MDM1: variants seen among roughly 807,000 people sequenced by gnomAD.
MDM1 encodes the protein stabilizer of axonemal microtubules 6, also known as Mdm1 nuclear protein.
In MDM1, 61 loss-of-function variants were observed where a neutral mutation model predicts 89.1. The observed-to-expected ratio is 0.68, with a 90% CI of 0.56 to 0.85. The LOEUF is 0.85. Ranked by LOEUF, MDM1 falls within the 40% of genes least tolerant of loss-of-function variation. MDM1 has a pLI of 0.00. For synonymous variants in MDM1, 290 were observed against 294.1 expected (o/e 0.99, Z 0.14); for missense variants, 820 against 846.5 (o/e 0.97, Z 0.39).
chr12:68,315,120 C>G lies in MDM1; in HGVS notation c.1357G>C (p.Ala453Pro), dbSNP rs779430910. Residue 453 changes from alanine to proline, a missense_variant, in exon 10 of 15, where the codon GCT becomes CCT. Coordinates refer to ENST00000682720, the MANE Select transcript of MDM1 (RefSeq NM_001354969.2). ...APTIPVRRRLAWDTENTSEDV... is the reference protein window; with the variant it reads ...APTIPVRRRLPWDTENTSEDV... ...TCACTTGTGTTCTCTGTATCCCAAG[C>G]CAGCCGCCTTCTAACGGGTATGGTG... The G allele has an allele frequency of 1.2e-6, 2 of 1,614,128 alleles. No individual in the cohort carries two copies. The highest frequency in any genetic ancestry group is 1.7e-6 in the Non-Finnish European group (2 of 1,180,026).
intron 3 of MDM1, chr12:68,326,315 C>G: frequency 7.3e-7 from 1 of 1,362,844 alleles, no homozygotes; most frequent in Non-Finnish European, 9.4e-7. Context: ...GAAGTCAGCT[C>G]AGCACCCTGC....
chr12:68,313,325 AT>A (rs2120953085), intron 12 of MDM1, 117 bp downstream of exon 12: 1 of 732,358 alleles, frequency 1.4e-6, no homozygotes, highest in African/African-American at 1.7e-5. Context: ...GGTTAACAGT[AT>A]CATCTCCTCA....
chr12:68,307,507 G>A (rs1873063003), intron 12 of MDM1, among the ~76,000 whole-genome samples: 1 of 152,142 alleles, frequency 6.6e-6, no homozygotes, highest in Non-Finnish European at 1.5e-5. Flanking sequence ...CAGGCATGGT[G>A]GCACATATCT....
chr12:68,332,234 G>T lies in MDM1; in HGVS notation c.12C>A (p.Arg4=), dbSNP rs1323219695. The T allele has an allele frequency of 1.0e-5, 16 of 1,582,076 alleles. No individual in the cohort carries two copies. Among genetic ancestry groups the T allele is most frequent in the Non-Finnish European group, 1.1e-5 (13 of 1,164,886 alleles). The change falls in exon 1 of 15, where the codon CGC becomes CGA. Residue 4 remains arginine (R), a synonymous_variant. Coordinates refer to ENST00000682720, the MANE Select transcript of MDM1 (RefSeq NM_001354969.2). MPV[R]FKGLSEYQRN... ...CCGGGGACCCCAGCCTCACCTTGAA[G>T]CGCACCGGCATGTCGCCCGGCGCCG... is the stretch of plus-strand genomic sequence containing the variant.
chr12:68,307,589 CGT>C, intron 12 of MDM1, among the ~76,000 whole-genome samples: 1 of 152,252 alleles, frequency 6.6e-6, no homozygotes, highest in South Asian at 2.1e-4. Flanking sequence ...TACAATGAGC[CGT>C]GATTGCACCA....
intron 4 of MDM1, among the ~76,000 whole-genome samples, chr12:68,324,311 A>T (rs1875652540): frequency 6.6e-6 from 1 of 152,066 alleles, no homozygotes; most frequent in Non-Finnish European, 1.5e-5. Context: ...GAATAATTAC[A>T]ATTTTCAGGT....
chr12:68,316,534 A>AC, intron 8 of MDM1, 47 bp downstream of exon 8: 1 of 1,454,474 alleles, frequency 6.9e-7, no homozygotes, highest in Non-Finnish European at 9.3e-7. Context: ...CTGAAATTAC[A>AC]CAAGTAATCT....
chr12:68,328,787 C>T (rs1876376185), intron 2 of MDM1, among the ~76,000 whole-genome samples: 1 of 152,264 alleles, frequency 6.6e-6, no homozygotes, highest in South Asian at 2.1e-4. Context: ...AAATACACTA[C>T]TCTAAAAGAA....
At chr12:68,319,175 G>A (rs953241441) in intron 7 of MDM1, among the ~76,000 whole-genome samples, 4 of 152,122 alleles carry the variant, frequency 2.6e-5, no homozygotes, top group Non-Finnish European at 5.9e-5. Flanking sequence ...TGACTATTAA[G>A]AAACAATCCC....
At chr12:68,325,025 A>G (rs902150692) in intron 4 of MDM1, 11 of 980,126 alleles carry the variant, frequency 1.1e-5, no homozygotes, top group Non-Finnish European at 4.8e-6. Flanking sequence ...CATATTTTGT[A>G]TTTATTAAAT....
chr12:68,301,224 C>G (rs1200925023), intron 13 of MDM1, among the ~76,000 whole-genome samples: 1 of 152,166 alleles, frequency 6.6e-6, no homozygotes, highest in African/African-American at 2.4e-5. Flanking sequence ...TGACAACCTA[C>G]TATCACACCT....
chr12:68,324,889 G>A (rs1223819146), intron 4 of MDM1: 2 of 475,792 alleles, frequency 4.2e-6, no homozygotes, highest in Non-Finnish European at 2.7e-6. Context: ...AATTGTGCAG[G>A]AGTATAATGA....
chr12:68,328,774 TA>T (rs897092949), intron 2 of MDM1, among the ~76,000 whole-genome samples: 6 of 151,992 alleles, frequency 3.9e-5, no homozygotes, highest in African/African-American at 9.7e-5. Flanking sequence ...ATCCCCAGGG[TA>T]AAAATACACT....
At chr12:68,329,459 C>T (rs994075032) in intron 2 of MDM1, among the ~76,000 whole-genome samples, 1 of 152,204 alleles carries the variant, frequency 6.6e-6, no homozygotes, top group East Asian at 1.9e-4. Flanking sequence ...TCGCACACAT[C>T]ACATGTGGGA....
Position 68,307,142 on chromosome 12 carries a change from G to A in MDM1, c.1750-4270C>T, listed in dbSNP as rs1270204824. Among the ~76,000 whole-genome samples the A allele has an allele frequency of 2.6e-5, 4 of 152,148 alleles. No homozygotes were observed. In the East Asian group the frequency reaches 7.7e-4, roughly 29 times the overall value. On this transcript the variant is annotated intron_variant, in intron 12 of 14. Transcript: ENST00000682720. The stretch of plus-strand genomic sequence containing the variant: ...TCATTTATAAGTGGGAGCTAAACAA[G>A]AGGTACACACAACATAAAGATGGAA...
Position 68,327,021 on chromosome 12 carries a change from C to T in MDM1, c.134G>A (p.Gly45Asp), listed in dbSNP as rs755770448. 1 of 1,577,546 alleles carries T rather than the reference C, an allele frequency of 6.3e-7. No individual in the cohort carries two copies. Among genetic ancestry groups the T allele is most frequent in the African/African-American group, 1.4e-5 (1 of 73,118 alleles). ...PWAGLRSDQL[G>D]ITKEPSFISK... is the part of the protein sequence containing the mutation. ...AATAAAACTTGGCTCTTTCGTGATG[C>T]CTACAAAACACGGTATACAAAAATA... Residue 45 changes from glycine to aspartate, a missense_variant and splice_region_variant, in exon 3 of 15, where the codon GGC becomes GAC. By Grantham distance (94) the Gly-to-Asp change is moderately conservative (BLOSUM62 -1). Coordinates refer to ENST00000682720, the MANE Select transcript of MDM1 (RefSeq NM_001354969.2).
chr12:68,321,712 A>C (rs1875261313), intron 5 of MDM1, 84 bp from the exon 6 acceptor site: 3 of 772,272 alleles, frequency 3.9e-6, no homozygotes, highest in East Asian at 5.3e-5. Context: ...GTTAGACTTG[A>C]ATATTTAATG....
At chr12:68,299,043 C>A (rs1166725204) in intron 13 of MDM1, among the ~76,000 whole-genome samples, 1 of 151,998 alleles carries the variant, frequency 6.6e-6, no homozygotes, top group East Asian at 1.9e-4. Flanking sequence ...AGACTCTTCA[C>A]CCCTAAAAGC....
At chr12:68,311,277 C>T (rs528812256) in intron 12 of MDM1, among the ~76,000 whole-genome samples, 7 of 152,262 alleles carry the variant, frequency 4.6e-5, no homozygotes, top group South Asian at 2.1e-4. Context: ...AACTTTGTGA[C>T]CACCAACTTA....
Sources: gnomAD v4.1 joint callset for allele counts (sites outside exome capture counted in the v4.1 genomes callset) on GRCh38, gnomAD v4.1.1 for gene constraint, MANE v1.5 for transcripts, NCBI Gene and HGNC (gene_info 2026-07-23, HGNC 2026-07-21) for gene names.